SAMD3: variants seen among roughly 807,000 people sequenced by gnomAD.
The protein encoded by SAMD3 is sterile alpha motif domain containing 3, also known as sterile alpha motif domain-containing protein 3.
A neutral mutation model predicts 58.5 loss-of-function variants in SAMD3; 63 were observed. The ratio of observed to expected loss-of-function variants is 1.08; its 90% CI spans 0.88 to 1.33. SAMD3 has a LOEUF of 1.33. SAMD3 is among the 40% of genes most tolerant of loss of function. The pLI, the probability that SAMD3 is intolerant of heterozygous loss-of-function variation, is 0.00. For synonymous variants in SAMD3, 220 were observed against 210.3 expected (o/e 1.05, Z -0.40); for missense variants, 604 against 608.4 (o/e 0.99, Z 0.08).
At chr6:130,272,872 C>G (rs6569672) in intron 2 of SAMD3, among the ~76,000 whole-genome samples, 47,278 of 151,992 alleles carry the variant, frequency 0.31, 7,738 homozygotes, top group East Asian at 0.47. Context: ...ATGGCCTACT[C>G]ATTTATCATA....
intron 1 of SAMD3, among the ~76,000 whole-genome samples, chr6:130,346,569 CAA>C (rs1213782015): frequency 6.6e-6 from 1 of 152,178 alleles, no homozygotes; most frequent in Admixed American, 6.5e-5. Flanking sequence ...AGTAGGTAAA[CAA>C]AGTGGCTGGG....
intron 4 of SAMD3, among the ~76,000 whole-genome samples, chr6:130,211,146 C>T (rs536754456): frequency 1.1e-3 from 173 of 152,176 alleles, no homozygotes; most frequent in African/African-American, 4.0e-3. Context: ...CATTTATGAT[C>T]TATTCTCTCT....
At chr6:130,149,742 G>A (rs1001696493) in intron 9 of SAMD3, among the ~76,000 whole-genome samples, 11 of 152,132 alleles carry the variant, frequency 7.2e-5, no homozygotes, top group African/African-American at 1.9e-4. Context: ...GGTGAGGATC[G>A]AAAAACTACC....
At chr6:130,225,268 AG>A (rs1433954478), upstream of SAMD3, among the ~76,000 whole-genome samples, 1 of 152,238 alleles carries the variant, frequency 6.6e-6, no homozygotes, top group Non-Finnish European at 1.5e-5. Context: ...CAGGTGCTGC[AG>A]TCCAGGAAAT....
rs185241995 is a variant in SAMD3, at chr6:130,330,757, G to A, written c.-303-17664C>T. 8.5e-5 allele frequency among the ~76,000 whole-genome samples: 13 copies of A among 152,280 alleles called. No individual in the cohort carries two copies. In the East Asian group the frequency reaches 2.3e-3, roughly 27 times the overall value. On this transcript the variant is annotated intron_variant, in intron 1 of 13. Transcript: ENST00000368134. Reference sequence around the variant, plus strand: ...GGGTTTTTCTTCTGATGAGCTGAGTGAGCATCGGCTGTTTGGGTGCTACCT... The same window carrying A: ...GGGTTTTTCTTCTGATGAGCTGAGTAAGCATCGGCTGTTTGGGTGCTACCT...
chr6:130,212,674 T>C (rs114269187), intron 4 of SAMD3, among the ~76,000 whole-genome samples: 2,188 of 152,316 alleles, frequency 0.014, 53 homozygotes, highest in African/African-American at 0.05. Flanking sequence ...CCAGGTTTCC[T>C]GGCAGTCCAG....
At chr6:130,238,665 A>G (rs907498228) in intron 2 of SAMD3, among the ~76,000 whole-genome samples, 1 of 152,226 alleles carries the variant, frequency 6.6e-6, no homozygotes, top group Non-Finnish European at 1.5e-5. Flanking sequence ...ACATGCCCAT[A>G]TGGACATGGT....
At chr6:130,331,538 T>C (rs2115013003) in intron 1 of SAMD3, among the ~76,000 whole-genome samples, 1 of 152,140 alleles carries the variant, frequency 6.6e-6, no homozygotes, top group South Asian at 2.1e-4. Context: ...CTGACCAACA[T>C]GGTGAAACCC....
intron 8 of SAMD3, among the ~76,000 whole-genome samples, chr6:130,170,347 T>C (rs1411779444): frequency 6.6e-6 from 1 of 152,234 alleles, no homozygotes; most frequent in Non-Finnish European, 1.5e-5. Context: ...GGCTTCCAGC[T>C]TCATCCATGT....
chr6:130,247,889 T>G (rs1773606751), intron 2 of SAMD3, among the ~76,000 whole-genome samples: 1 of 152,222 alleles, frequency 6.6e-6, no homozygotes, highest in South Asian at 2.1e-4. Context: ...GTAGGTGCAT[T>G]ACAGTTGTCT....
At chr6:130,183,964 C>T in intron 7 of SAMD3, 139 bp downstream of exon 7, 1 of 688,528 alleles carries the variant, frequency 1.5e-6, no homozygotes, top group Non-Finnish European at 2.6e-6. Flanking sequence ...AACAGATAGA[C>T]CTAGATACAT....
At chr6:130,281,264 T>A (rs4895873) in intron 2 of SAMD3, among the ~76,000 whole-genome samples, 48,314 of 152,100 alleles carry the variant, frequency 0.32, 7,904 homozygotes, top group East Asian at 0.47. Context: ...TGAGCATAGT[T>A]GGAATCACCA....
chr6:130,195,913 T>C (rs1408838734), intron 5 of SAMD3, among the ~76,000 whole-genome samples: 3 of 152,146 alleles, frequency 2.0e-5, no homozygotes, highest in Non-Finnish European at 4.4e-5. Flanking sequence ...ACAAAACCAT[T>C]ATATAAACTC....
chr6:130,338,274 AT>A (rs1241229188), intron 1 of SAMD3, among the ~76,000 whole-genome samples: 2 of 152,198 alleles, frequency 1.3e-5, no homozygotes, highest in Non-Finnish European at 2.9e-5. Context: ...AAGAAACGAG[AT>A]TTGGGAACTT....
At chr6:130,235,408 A>C (rs1773113745) in intron 2 of SAMD3, among the ~76,000 whole-genome samples, 1 of 152,196 alleles carries the variant, frequency 6.6e-6, no homozygotes. Flanking sequence ...CATTGTAGTG[A>C]GTTTTGAATT....
At chr6:130,194,991 C>T (rs768902848) in intron 5 of SAMD3, among the ~76,000 whole-genome samples, 71 of 152,120 alleles carry the variant, frequency 4.7e-4, no homozygotes, top group Non-Finnish European at 9.1e-4. Flanking sequence ...TGGGTATTGG[C>T]GGCCAGGCTT....
chr6:130,215,543 C>CT (rs533251659), intron 2 of SAMD3: 16,503 of 1,331,180 alleles, frequency 0.012, 116 homozygotes, highest in Non-Finnish European at 0.015. Context: ...CCTTCTCCTA[C>CT]TTTTTTTCCA....
intron 2 of SAMD3, among the ~76,000 whole-genome samples, chr6:130,228,692 C>T (rs1417095399): frequency 1.3e-5 from 2 of 152,192 alleles, no homozygotes; most frequent in Non-Finnish European, 2.9e-5. Context: ...ACGCATGTTC[C>T]TCCTTCTTGA....
intron 8 of SAMD3, among the ~76,000 whole-genome samples, chr6:130,162,593 C>T (rs1790373132): frequency 6.6e-6 from 1 of 151,784 alleles, no homozygotes; most frequent in South Asian, 2.1e-4. Context: ...TCTCCCATTT[C>T]AGCTCCCAAA....
Sources: gnomAD v4.1 joint callset for allele counts (sites outside exome capture counted in the v4.1 genomes callset) on GRCh38, gnomAD v4.1.1 for gene constraint, MANE v1.5 for transcripts, NCBI Gene and HGNC (gene_info 2026-07-23, HGNC 2026-07-21) for gene names.